PDLIM5: variants seen among roughly 807,000 people sequenced by gnomAD.
PDLIM5 encodes PDZ and LIM domain 5, also known as PDZ and LIM domain protein 5.
A neutral mutation model predicts 64.2 loss-of-function variants in PDLIM5; 34 were observed. The ratio of observed to expected loss-of-function variants is 0.53; its 90% CI spans 0.40 to 0.71. The LOEUF is 0.71. Ranked by LOEUF, PDLIM5 falls within the 30% of genes least tolerant of loss-of-function variation. The pLI is 0.00. For synonymous variants in PDLIM5, 253 were observed against 269.1 expected (o/e 0.94, Z 0.59); for missense variants, 683 against 733.6 (o/e 0.93, Z 0.80).
chr4:94,599,847 G>A lies in PDLIM5; in HGVS notation c.920+13403G>A, dbSNP rs528321230. On this transcript the variant is annotated intron_variant, in intron 7 of 12. Transcript: ENST00000317968. ...CTGATAGTAGTTAAAACAGTAATGAGGAGGACACTTGCTCCATCTCCAGGT... is the reference window on the plus strand; with the variant it reads ...CTGATAGTAGTTAAAACAGTAATGAAGAGGACACTTGCTCCATCTCCAGGT... 2.6e-5 allele frequency among the ~76,000 whole-genome samples: 4 copies of A among 152,216 alleles called. No homozygotes were observed. In the East Asian group the frequency reaches 5.8e-4, roughly 22 times the overall value.
At chr4:94,509,090 T>A in intron 2 of PDLIM5, among the ~76,000 whole-genome samples, 1 of 152,230 alleles carries the variant, frequency 6.6e-6, no homozygotes, top group East Asian at 1.9e-4. Flanking sequence ...GTATTAGTTG[T>A]TCCAGTCTTT....
At chr4:94,479,933 T>G (rs1725706639) in intron 2 of PDLIM5, among the ~76,000 whole-genome samples, 1 of 152,214 alleles carries the variant, frequency 6.6e-6, no homozygotes, top group Admixed American at 6.5e-5. Flanking sequence ...TCACCAGCTT[T>G]CAATTATTTT....
At chr4:94,541,145 TA>T (rs1731771254) in intron 3 of PDLIM5, among the ~76,000 whole-genome samples, 1 of 152,192 alleles carries the variant, frequency 6.6e-6, no homozygotes, top group South Asian at 2.1e-4. Context: ...CTTATGCCAT[TA>T]CACTTTCTCT....
chr4:94,525,573 T>C (rs2110139994), intron 3 of PDLIM5, among the ~76,000 whole-genome samples: 1 of 152,368 alleles, frequency 6.6e-6, no homozygotes, highest in Non-Finnish European at 1.5e-5. Flanking sequence ...TTGCTACTGC[T>C]GTCCTAGGTG....
intron 8 of PDLIM5, among the ~76,000 whole-genome samples, chr4:94,633,394 C>A (rs527889425): frequency 6.6e-6 from 1 of 152,270 alleles, no homozygotes; most frequent in African/African-American, 2.4e-5. Context: ...GTATTTCAAT[C>A]CATTGTAGTT....
chr4:94,518,520 G>A (rs1209638413), intron 2 of PDLIM5, among the ~76,000 whole-genome samples: 1 of 152,104 alleles, frequency 6.6e-6, no homozygotes, highest in African/African-American at 2.4e-5. Flanking sequence ...CATTGTATGT[G>A]GAGGCTAAGC....
chr4:94,615,602 G>A (rs1230094610), intron 7 of PDLIM5, among the ~76,000 whole-genome samples: 1 of 152,154 alleles, frequency 6.6e-6, no homozygotes, highest in Non-Finnish European at 1.5e-5. Context: ...AGATTAGACT[G>A]GTAGATTGTA....
chr4:94,588,933 C>G (rs1363739638), intron 7 of PDLIM5, among the ~76,000 whole-genome samples: 1 of 152,018 alleles, frequency 6.6e-6, no homozygotes, highest in African/African-American at 2.4e-5. Flanking sequence ...TCTAGTATAC[C>G]TCATGATATA....
intron 2 of PDLIM5, among the ~76,000 whole-genome samples, chr4:94,491,968 T>G (rs1726917515): frequency 6.6e-6 from 1 of 151,974 alleles, no homozygotes. Context: ...GTAGTCATCC[T>G]GCTGTGCTAT....
intron 3 of PDLIM5, among the ~76,000 whole-genome samples, chr4:94,566,103 TG>T (rs886724336): frequency 1.4e-4 from 22 of 152,182 alleles, no homozygotes; most frequent in African/African-American, 4.6e-4. Context: ...ACTTTCTCTT[TG>T]ATGTTATTCC....
chr4:94,638,712 GC>G (rs1401775524), intron 8 of PDLIM5, among the ~76,000 whole-genome samples: 1 of 152,094 alleles, frequency 6.6e-6, no homozygotes, highest in Non-Finnish European at 1.5e-5. Context: ...ATTTTCACAT[GC>G]ACCTTTTCTC....
At chr4:94,565,768 T>C (rs939448713) in intron 3 of PDLIM5, among the ~76,000 whole-genome samples, 33 of 152,318 alleles carry the variant, frequency 2.2e-4, no homozygotes, top group African/African-American at 7.9e-4. Flanking sequence ...TGAAACCTGT[T>C]CTTTGTTTTT....
Position 94,506,818 on chromosome 4 carries a change from G to A in PDLIM5, c.97-16906G>A, listed in dbSNP as rs190625760. ...GACTGACATTTGAGTCAGTGGACTT[G>A]GAAGAGGAAGACCCACCCTCAATGT... On this transcript the variant is annotated intron_variant, in intron 2 of 12. Coordinates refer to ENST00000317968, the MANE Select transcript of PDLIM5 (RefSeq NM_006457.5). 1.6e-4 allele frequency among the ~76,000 whole-genome samples: 24 copies of A among 152,260 alleles called. No homozygotes were observed. The East Asian group carries it at 3.9e-3, about 25-fold the overall frequency.
At chr4:94,551,960 A>G (rs778329552) in intron 3 of PDLIM5, among the ~76,000 whole-genome samples, 22 of 152,142 alleles carry the variant, frequency 1.4e-4, no homozygotes, top group Non-Finnish European at 3.2e-4. Context: ...CCTGTATATG[A>G]GGAACGGATT....
chr4:94,475,597 G>A (rs965134415), intron 2 of PDLIM5, among the ~76,000 whole-genome samples: 5 of 152,146 alleles, frequency 3.3e-5, no homozygotes, highest in African/African-American at 4.8e-5. Context: ...GTAGAATGGT[G>A]ATTACCAGGG....
chr4:94,507,996 C>G (rs1326825060), intron 2 of PDLIM5, among the ~76,000 whole-genome samples: 2 of 152,160 alleles, frequency 1.3e-5, no homozygotes, highest in Non-Finnish European at 2.9e-5. Flanking sequence ...AGCACCCTGC[C>G]CTCTGCCAAT....
chr4:94,606,074 G>A (rs1478949619), intron 7 of PDLIM5, among the ~76,000 whole-genome samples: 1 of 151,970 alleles, frequency 6.6e-6, no homozygotes, highest in Non-Finnish European at 1.5e-5. Context: ...TCTCTAGAAG[G>A]TACAAATACT....
intron 3 of PDLIM5, among the ~76,000 whole-genome samples, chr4:94,566,387 G>A (rs1734321466): frequency 6.6e-6 from 1 of 152,060 alleles, no homozygotes; most frequent in Non-Finnish European, 1.5e-5. Context: ...TGTTGTTACT[G>A]TTTTCCTTGA....
At chr4:94,524,331 C>T (rs1021779330) in intron 3 of PDLIM5, among the ~76,000 whole-genome samples, 6 of 141,384 alleles carry the variant, frequency 4.2e-5, no homozygotes, top group African/African-American at 1.5e-4. Flanking sequence ...ATCGTGCCAC[C>T]ACACTCCAGT....
Sources: gnomAD v4.1 joint callset for allele counts (sites outside exome capture counted in the v4.1 genomes callset) on GRCh38, gnomAD v4.1.1 for gene constraint, MANE v1.5 for transcripts, NCBI Gene and HGNC (gene_info 2026-07-23, HGNC 2026-07-21) for gene names.